Variants in GRM5 observed in about 807,000 individuals in gnomAD.
GRM5 encodes the protein glutamate metabotropic receptor 5.
A neutral mutation model predicts 83.1 loss-of-function variants in GRM5; 19 were observed. That is an observed-to-expected ratio of 0.23 (90% CI 0.16 to 0.34). The LOEUF is 0.34. Ranked by LOEUF, GRM5 falls within the 10% of genes least tolerant of loss-of-function variation. The pLI, the probability that GRM5 is intolerant of heterozygous loss-of-function variation, is 1.00. For synonymous variants in GRM5, 675 were observed against 633.6 expected (o/e 1.07, Z -0.98); for missense variants, 1,160 against 1,588.3 (o/e 0.73, Z 4.58).
intron 2 of GRM5, among the ~76,000 whole-genome samples, chr11:89,014,266 G>A (rs1386502581): frequency 6.6e-6 from 1 of 152,010 alleles, no homozygotes; most frequent in African/African-American, 2.4e-5. Context: ...CTTAAGGAAA[G>A]AAAATTGTAG....
At chr11:88,633,791 G>A (rs946544321) in intron 4 of GRM5, among the ~76,000 whole-genome samples, 10 of 152,106 alleles carry the variant, frequency 6.6e-5, no homozygotes, top group African/African-American at 2.4e-4. Context: ...AAAGTGCTGA[G>A]ATTATAAACA....
At chr11:89,005,394 C>T (rs1940496553) in intron 2 of GRM5, among the ~76,000 whole-genome samples, 1 of 152,106 alleles carries the variant, frequency 6.6e-6, no homozygotes, top group Admixed American at 6.5e-5. Context: ...TTTGGCTTGG[C>T]TTGGAGAAAA....
intron 2 of GRM5, among the ~76,000 whole-genome samples, chr11:88,952,389 T>C (rs887839770): frequency 2.6e-5 from 4 of 152,248 alleles, no homozygotes; most frequent in Non-Finnish European, 4.4e-5. Context: ...GTATGTCTCA[T>C]ACACTAGCCT....
chr11:89,007,152 G>A (rs2038721702), intron 2 of GRM5, among the ~76,000 whole-genome samples: 1 of 152,180 alleles, frequency 6.6e-6, no homozygotes, highest in East Asian at 1.9e-4. Flanking sequence ...TATTTATTAG[G>A]CCACATGCCC....
chr11:88,628,078 C>A (rs554339521), intron 4 of GRM5, among the ~76,000 whole-genome samples: 1 of 151,806 alleles, frequency 6.6e-6, no homozygotes, highest in Admixed American at 6.6e-5. Flanking sequence ...AAATACTCTG[C>A]CTCCAACTCC....
intron 2 of GRM5, among the ~76,000 whole-genome samples, chr11:88,921,625 A>G: frequency 1.1e-5 from 1 of 94,678 alleles, no homozygotes; most frequent in South Asian, 5.1e-4. Flanking sequence ...GTGAGACTCC[A>G]TTTAAAAAAA....
intron 2 of GRM5, among the ~76,000 whole-genome samples, chr11:88,893,801 G>C (rs540318461): frequency 6.6e-6 from 1 of 151,948 alleles, no homozygotes; most frequent in Non-Finnish European, 1.5e-5. Flanking sequence ...TTTTCAGCAG[G>C]AAGTAGCCAG....
At chr11:88,557,012 C>T (rs1015637532) in intron 8 of GRM5, among the ~76,000 whole-genome samples, 1 of 151,992 alleles carries the variant, frequency 6.6e-6, no homozygotes, top group Non-Finnish European at 1.5e-5. Context: ...GTAACAAGAA[C>T]AAAATGAGAT....
At chr11:89,062,529 C>T (rs937150163) in intron 1 of GRM5, among the ~76,000 whole-genome samples, 1 of 152,238 alleles carries the variant, frequency 6.6e-6, no homozygotes, top group African/African-American at 2.4e-5. Context: ...AAGCTGCCTT[C>T]TCACTGGTCT....
intron 4 of GRM5, among the ~76,000 whole-genome samples, chr11:88,647,696 T>A (rs1383675494): frequency 1.3e-5 from 2 of 152,016 alleles, no homozygotes; most frequent in Non-Finnish European, 2.9e-5. Flanking sequence ...CAAAAGAAAC[T>A]ACCATCAAAG....
At chr11:88,814,888 A>T (rs751917978) in intron 3 of GRM5, among the ~76,000 whole-genome samples, 2 of 152,216 alleles carry the variant, frequency 1.3e-5, no homozygotes, top group Non-Finnish European at 2.9e-5. Context: ...TAGTAGAATA[A>T]TCCTAATCAT....
intron 3 of GRM5, among the ~76,000 whole-genome samples, chr11:88,713,663 G>T (rs1941333514): frequency 6.6e-6 from 1 of 151,980 alleles, no homozygotes; most frequent in Non-Finnish European, 1.5e-5. Context: ...TGATGTTGCA[G>T]AAATCATAGA....
chr11:88,590,143 C>T (rs1937613443), intron 7 of GRM5, among the ~76,000 whole-genome samples: 1 of 152,158 alleles, frequency 6.6e-6, no homozygotes, highest in Admixed American at 6.5e-5. Flanking sequence ...TAGTTGGAGA[C>T]TCCTGATTTC....
intron 4 of GRM5, among the ~76,000 whole-genome samples, chr11:88,650,382 A>C (rs1053289172): frequency 1.3e-5 from 2 of 151,930 alleles, no homozygotes; most frequent in Non-Finnish European, 2.9e-5. Context: ...AACTCAAAGA[A>C]ATGTTCAAAA....
chr11:88,772,469 C>G (rs1471694415), intron 3 of GRM5, among the ~76,000 whole-genome samples: 1 of 149,706 alleles, frequency 6.7e-6, no homozygotes, highest in Non-Finnish European at 1.5e-5. Context: ...TTTTATTGTA[C>G]TTTAAGTTCT....
At chr11:88,729,947 T>C (rs1265071453) in intron 3 of GRM5, among the ~76,000 whole-genome samples, 1 of 152,112 alleles carries the variant, frequency 6.6e-6, no homozygotes, top group African/African-American at 2.4e-5. Flanking sequence ...ACCTAGGCAA[T>C]AGCATTCAGG....
intron 1 of GRM5, among the ~76,000 whole-genome samples, chr11:89,049,906 G>A (rs1453235401): frequency 3.3e-5 from 5 of 152,030 alleles, no homozygotes; most frequent in African/African-American, 1.2e-4. Flanking sequence ...TATTCTCATG[G>A]TCATGTGAAT....
intron 3 of GRM5, among the ~76,000 whole-genome samples, chr11:88,717,220 T>C (rs1177641091): frequency 6.6e-6 from 1 of 151,942 alleles, no homozygotes; most frequent in Non-Finnish European, 1.5e-5. Context: ...GAGAATTACA[T>C]GCTTTAAAAA....
intron 6 of GRM5, among the ~76,000 whole-genome samples, chr11:88,594,485 G>C (rs1156251579): frequency 6.6e-6 from 1 of 152,154 alleles, no homozygotes; most frequent in Non-Finnish European, 1.5e-5. Flanking sequence ...GAGCGTGGCT[G>C]TATTTTAATA....
Sources: gnomAD v4.1 joint callset for allele counts (sites outside exome capture counted in the v4.1 genomes callset) on GRCh38, gnomAD v4.1.1 for gene constraint, MANE v1.5 for transcripts, NCBI Gene and HGNC (gene_info 2026-07-23, HGNC 2026-07-21) for gene names.